Variants in TBC1D5 observed in about 807,000 individuals in gnomAD.
TBC1D5 encodes the protein TBC1 domain family member 5.
A neutral mutation model predicts 100.3 loss-of-function variants in TBC1D5; 75 were observed. The observed-to-expected ratio is 0.75, with a 90% CI of 0.62 to 0.91. The LOEUF (loss-of-function observed/expected upper bound fraction) is 0.91. Among genes scored for constraint, TBC1D5 ranks in the 40% least tolerant of loss-of-function variants. The probability of loss-of-function intolerance (pLI) is 0.00; values close to 1 mark genes in which losing one functional copy is unlikely to be tolerated. For synonymous variants in TBC1D5, 323 were observed against 325.6 expected (o/e 0.99, Z 0.09); for missense variants, 910 against 942.4 (o/e 0.97, Z 0.45).
At chr3:17,346,133 T>C (rs1331033010) in intron 13 of TBC1D5, among the ~76,000 whole-genome samples, 2 of 152,160 alleles carry the variant, frequency 1.3e-5, no homozygotes, top group Admixed American at 6.5e-5. Context: ...GCAAAAACTC[T>C]GTAGATCATT....
intron 8 of TBC1D5, among the ~76,000 whole-genome samples, chr3:17,389,323 C>T (rs940652411): frequency 6.6e-6 from 1 of 152,062 alleles, no homozygotes. Flanking sequence ...AATTTGAGAA[C>T]ATGTTTGCAA....
chr3:17,347,829 T>C (rs939099971), intron 13 of TBC1D5, among the ~76,000 whole-genome samples: 4 of 152,056 alleles, frequency 2.6e-5, no homozygotes, highest in African/African-American at 4.8e-5. Flanking sequence ...CAAGACCTCA[T>C]CTCTAAAAAA....
chr3:17,260,515 C>A lies in TBC1D5; in HGVS notation c.1246-1924G>T, dbSNP rs145466729. ...AAATTCCTAAGAGACTTACTGGTAT[C>A]AAAGGGAGAGGTAGTTTAAAGTACC... On this transcript the variant is annotated intron_variant, in intron 15 of 21. Transcript: ENST00000253692. 3.3e-5 allele frequency among the ~76,000 whole-genome samples: 5 copies of A among 151,942 alleles called. No homozygotes were observed. The East Asian group carries it at 9.7e-4, about 29-fold the overall frequency.
chr3:17,599,969 G>A (rs558863476), intron 2 of TBC1D5, among the ~76,000 whole-genome samples: 1 of 152,344 alleles, frequency 6.6e-6, no homozygotes, highest in East Asian at 1.9e-4. Context: ...ATTAAGGTAT[G>A]TTAAAGATAA....
chr3:17,195,768 T>A (rs987943557), intron 18 of TBC1D5, among the ~76,000 whole-genome samples: 1 of 151,136 alleles, frequency 6.6e-6, no homozygotes, highest in Non-Finnish European at 1.5e-5. Flanking sequence ...TTTTTTTTTT[T>A]TTAACATAAA....
At chr3:17,552,873 G>A (rs938108889) in intron 2 of TBC1D5, among the ~76,000 whole-genome samples, 1 of 152,140 alleles carries the variant, frequency 6.6e-6, no homozygotes. Flanking sequence ...GCAGAACTGA[G>A]CTTTGGAATA....
chr3:17,384,561 C>G (rs1357758841), intron 8 of TBC1D5, among the ~76,000 whole-genome samples: 7 of 151,602 alleles, frequency 4.6e-5, no homozygotes, highest in Admixed American at 2.0e-4. Context: ...CACAGCAACA[C>G]AATACACAAT....
At chr3:17,245,804 TTATTTATTTGAAC>T (rs1289023658) in intron 16 of TBC1D5, among the ~76,000 whole-genome samples, 1 of 152,252 alleles carries the variant, frequency 6.6e-6, no homozygotes, top group African/African-American at 2.4e-5. Context: ...ATTATTTGAA[TTATTTATTTGAAC>T]TATTTGAATT....
chr3:17,352,691 A>AC (rs1559699786), intron 13 of TBC1D5, among the ~76,000 whole-genome samples: 15 of 149,412 alleles, frequency 1.0e-4, no homozygotes, highest in African/African-American at 3.2e-4. Flanking sequence ...GGCAAAAAAA[A>AC]AAAAAAAACA....
At chr3:17,705,055 C>T (rs1241651310) in intron 1 of TBC1D5, among the ~76,000 whole-genome samples, 198 of 111,536 alleles carry the variant, frequency 1.8e-3, no homozygotes, top group African/African-American at 6.7e-3. Flanking sequence ...GGGGGGCTGA[C>T]CCCCCCACCT....
intron 2 of TBC1D5, among the ~76,000 whole-genome samples, chr3:17,611,643 T>C (rs975051969): frequency 1.3e-5 from 2 of 152,322 alleles, no homozygotes; most frequent in East Asian, 1.9e-4. Flanking sequence ...CAATAGCAAC[T>C]TTAGTTGGCA....
chr3:17,290,788 T>G (rs2081645718), intron 15 of TBC1D5, among the ~76,000 whole-genome samples: 1 of 152,188 alleles, frequency 6.6e-6, no homozygotes, highest in Admixed American at 6.5e-5. Flanking sequence ...AAAGTATGCT[T>G]CCTTATACAT....
At chr3:17,472,452 G>A (rs184688117) in intron 3 of TBC1D5, among the ~76,000 whole-genome samples, 4 of 152,068 alleles carry the variant, frequency 2.6e-5, no homozygotes, top group African/African-American at 9.7e-5. Context: ...CTACACAAAT[G>A]AGGGCTTTTC....
At chr3:17,623,404 C>A (rs552634577) in intron 2 of TBC1D5, among the ~76,000 whole-genome samples, 1 of 152,082 alleles carries the variant, frequency 6.6e-6, no homozygotes, top group African/African-American at 2.4e-5. Context: ...ATTCTTCCAT[C>A]GGAAAACAAT....
intron 3 of TBC1D5, among the ~76,000 whole-genome samples, chr3:17,506,235 C>A (rs2095843664): frequency 1.3e-5 from 2 of 152,156 alleles, no homozygotes; most frequent in South Asian, 4.1e-4. Context: ...CATTAAAATG[C>A]AACACATTTT....
At chr3:17,238,351 T>C (rs2076044640) in exon 17 of TBC1D5, 2 of 1,613,964 alleles carry the variant, frequency 1.2e-6, no homozygotes, top group Non-Finnish European at 1.7e-6. Flanking sequence ...GGAAATCAAC[T>C]TTCTTCCAAA....
intron 13 of TBC1D5, among the ~76,000 whole-genome samples, chr3:17,315,324 A>G (rs2084553222): frequency 6.6e-6 from 1 of 152,226 alleles, no homozygotes; most frequent in Non-Finnish European, 1.5e-5. Context: ...GACCCAATAA[A>G]AAGTAGGGAT....
intron 2 of TBC1D5, among the ~76,000 whole-genome samples, chr3:17,606,940 A>G (rs1319424531): frequency 6.6e-6 from 1 of 152,178 alleles, no homozygotes; most frequent in Non-Finnish European, 1.5e-5. Context: ...AATGATAAGA[A>G]ATGGCTTAAT....
At chr3:17,271,415 G>C (rs2079411997) in intron 15 of TBC1D5, among the ~76,000 whole-genome samples, 1 of 152,052 alleles carries the variant, frequency 6.6e-6, no homozygotes, top group African/African-American at 2.4e-5. Context: ...AGCTTACATT[G>C]GTGTACAGAT....
Sources: allele counts gnomAD v4.1 joint callset (sites outside exome capture counted in the v4.1 genomes callset), GRCh38; gene constraint gnomAD v4.1.1; transcripts MANE v1.5; gene names NCBI Gene and HGNC (gene_info 2026-07-23, HGNC 2026-07-21).